Variants in CC2D2B observed in about 807,000 individuals in gnomAD.
CC2D2B encodes coiled-coil and C2 domain containing 2B, also known as protein CC2D2B.
Under a neutral mutation model 161.2 loss-of-function variants are expected in CC2D2B, and 128 were observed. The observed-to-expected ratio is 0.79, with a 90% CI of 0.69 to 0.92. The LOEUF (loss-of-function observed/expected upper bound fraction) is 0.92. Ranked by LOEUF, CC2D2B falls within the 40% of genes least tolerant of loss-of-function variation. The probability of loss-of-function intolerance (pLI) is 0.00; values close to 1 mark genes in which losing one functional copy is unlikely to be tolerated. For missense variants in CC2D2B, 1,173 were observed against 1,375.1 expected (o/e 0.85, Z 2.32); for synonymous variants, 391 against 449.8 (o/e 0.87, Z 1.65).
chr10:95,946,514 A>G (rs538144191), intron 9 of CC2D2B, among the ~76,000 whole-genome samples: 38 of 152,364 alleles, frequency 2.5e-4, no homozygotes, highest in African/African-American at 8.7e-4. Context: ...TAAATGGAAA[A>G]TGATTTTTCC....
chr10:95,995,649 G>A (rs35002432), intron 23 of CC2D2B, among the ~76,000 whole-genome samples: 18,672 of 152,234 alleles, frequency 0.12, 1,229 homozygotes, highest in Middle Eastern at 0.17. Context: ...GGCATATCAT[G>A]CTACTCCTTG....
rs1169560460 is a variant in CC2D2B, at chr10:95,993,952, GTATATA to G, written c.2643-1276_2643-1271del. 5.1e-3 allele frequency among the ~76,000 whole-genome samples: 92 copies of G among 18,160 alleles called. 1 individual carries two copies. Among genetic ancestry groups the G allele is most frequent in the African/African-American group, 0.012 (80 of 6,730 alleles). 11.9% of individuals were successfully genotyped at this position (18,160 alleles called of 152,430 possible). A position where few individuals can be genotyped will look rare whatever the true frequency, so the allele number is the denominator to read the frequency against. On this transcript the variant is annotated intron_variant, in intron 22 of 34. Transcript: ENST00000646931. ...TGTGTGTGTGTGTGTGTATGTATGT[GTATATA>G]TATATATATATATATATATATATAT...
intron 7 of CC2D2B, 22 bp downstream of exon 7, chr10:95,938,211 A>C: frequency 6.8e-7 from 1 of 1,470,836 alleles, no homozygotes; most frequent in Non-Finnish European, 9.3e-7. Flanking sequence ...TCCCAGTAAA[A>C]TATTCAAGTC....
intron 10 of CC2D2B, among the ~76,000 whole-genome samples, chr10:95,951,801 C>A (rs2076410239): frequency 6.6e-6 from 1 of 152,002 alleles, no homozygotes; most frequent in African/African-American, 2.4e-5. Context: ...TGGCTCTCTG[C>A]ATAAAATAAA....
chr10:95,919,988 A>G (rs1355122141), intron 2 of CC2D2B: 1 of 151,562 alleles, frequency 6.6e-6, no homozygotes, highest in Non-Finnish European at 1.5e-5. Flanking sequence ...ACTGATGTTT[A>G]TTCAAGGCCC....
chr10:95,986,658 G>A (rs1390995461), intron 19 of CC2D2B, among the ~76,000 whole-genome samples: 7 of 152,054 alleles, frequency 4.6e-5, no homozygotes, highest in African/African-American at 7.2e-5. Context: ...GTGCAATGGC[G>A]TGATCTCGGC....
chr10:95,944,341 C>T (rs1292852654), intron 9 of CC2D2B, among the ~76,000 whole-genome samples: 3 of 152,120 alleles, frequency 2.0e-5, no homozygotes, highest in African/African-American at 7.2e-5. Context: ...CCAAACATTA[C>T]AATATCTTCA....
intron 2 of CC2D2B, chr10:95,921,330 A>T (rs1013648534): frequency 2.6e-5 from 4 of 152,212 alleles, no homozygotes; most frequent in Admixed American, 2.6e-4. Context: ...CCAATCACTT[A>T]ACTCTCCCTC....
intron 16 of CC2D2B, among the ~76,000 whole-genome samples, chr10:95,973,103 T>G (rs985866162): frequency 1.6e-4 from 24 of 151,632 alleles, no homozygotes; most frequent in African/African-American, 5.8e-4. Context: ...TTGGGCCTAT[T>G]TGGTGAAAAG....
chr10:95,975,816 A>G (rs2077292771), intron 17 of CC2D2B, among the ~76,000 whole-genome samples: 1 of 152,228 alleles, frequency 6.6e-6, no homozygotes, highest in African/African-American at 2.4e-5. Context: ...TTAAGAGCAA[A>G]TCTTACAGTT....
At chr10:95,917,953 T>C (rs1046980943) in intron 2 of CC2D2B, among the ~76,000 whole-genome samples, 9 of 152,116 alleles carry the variant, frequency 5.9e-5, no homozygotes, top group African/African-American at 2.2e-4. Context: ...TTTTTGTATT[T>C]TTAAGTAGAG....
intron 11 of CC2D2B, among the ~76,000 whole-genome samples, chr10:95,957,216 C>T (rs1401132177): frequency 6.6e-6 from 1 of 152,112 alleles, no homozygotes; most frequent in Non-Finnish European, 1.5e-5. Context: ...AGGACCTGTG[C>T]TCTGATCACT....
intron 10 of CC2D2B, among the ~76,000 whole-genome samples, chr10:95,951,686 T>A (rs2076405217): frequency 6.6e-6 from 1 of 152,200 alleles, no homozygotes; most frequent in Non-Finnish European, 1.5e-5. Flanking sequence ...TCCCACAATA[T>A]TATAGAATCT....
At chr10:96,017,009 TG>T (rs1376034712) in intron 30 of CC2D2B, among the ~76,000 whole-genome samples, 1 of 152,222 alleles carries the variant, frequency 6.6e-6, no homozygotes, top group Admixed American at 6.5e-5. Context: ...TGAGCCACTG[TG>T]CCCAGCCCAT....
At chr10:95,938,286 T>A (rs1285801406) in intron 7 of CC2D2B, 97 bp downstream of exon 7, 1 of 801,580 alleles carries the variant, frequency 1.2e-6, no homozygotes, top group African/African-American at 1.7e-5. Context: ...AATACTGATC[T>A]AAAATTATAG....
chr10:95,995,370 GTATT>G lies in CC2D2B; in HGVS notation c.2739+8_2739+11del, dbSNP rs1478142147. On this transcript the variant is annotated splice_donor_region_variant and intron_variant, in intron 23 of 34. Coordinates refer to ENST00000646931, the MANE Select transcript of CC2D2B (RefSeq NM_001349008.3). ...TCAGATGAGACCTTACATGAGGTAA[GTATT>G]TAACACTTCTATAAAGTATAATATT... 1 of 1,374,274 alleles carries G rather than the reference GTATT, an allele frequency of 7.3e-7. No homozygotes were observed. The highest frequency in any genetic ancestry group is 9.9e-7 in the Non-Finnish European group (1 of 1,009,320). The allele number at this position is 1,374,274 out of a possible 1,614,324, so 85.1% of individuals were successfully genotyped here. A position where few individuals can be genotyped will look rare whatever the true frequency, so the allele number is the denominator to read the frequency against.
rs540774881 is a variant in CC2D2B, at chr10:95,956,824, G to A, written c.1109+1333G>A. On this transcript the variant is annotated intron_variant, in intron 11 of 34. Transcript: ENST00000646931. ...GATTATTTATAATACCCACTACAATGTAAATGCTATGTACATAGTTGTTCT... is the reference window on the plus strand; with the variant it reads ...GATTATTTATAATACCCACTACAATATAAATGCTATGTACATAGTTGTTCT... Among the ~76,000 whole-genome samples, 43 of 152,266 alleles carry A rather than the reference G, an allele frequency of 2.8e-4. No individual in the cohort carries two copies. The South Asian group carries it at 8.7e-3, about 31-fold the overall frequency.
intron 6 of CC2D2B, among the ~76,000 whole-genome samples, chr10:95,937,657 A>G (rs905284164): frequency 2.6e-5 from 4 of 151,840 alleles, no homozygotes; most frequent in African/African-American, 9.7e-5. Flanking sequence ...GTATCTTTGG[A>G]CCCTGCCCTA....
In CC2D2B at chr10:96,023,850, A is replaced by G. The variant is rs150068592; in HGVS notation, c.3889-1003A>G. 8.2e-3 allele frequency among the ~76,000 whole-genome samples: 1,256 copies of G among 152,326 alleles called. 5 individuals carry two copies. The highest frequency in any genetic ancestry group is 0.014 in the Non-Finnish European group (934 of 68,016). ...CAGAGTTCCTGATTCAGTAGTTCTC[A>G]GGTGAGGGCCAAGAATTTGTGTTTC... On this transcript the variant is annotated intron_variant, in intron 32 of 34. Transcript: ENST00000646931.
Sources: allele counts gnomAD v4.1 joint callset (sites outside exome capture counted in the v4.1 genomes callset), GRCh38; gene constraint gnomAD v4.1.1; transcripts MANE v1.5; gene names NCBI Gene and HGNC (gene_info 2026-07-23, HGNC 2026-07-21).